The following N4BP2 variants were observed in gnomAD, a reference collection of about 807,000 sequenced individuals.
N4BP2 encodes NEDD4 binding protein 2.
In N4BP2, 91 loss-of-function variants were observed where a neutral mutation model predicts 152.8. The observed-to-expected ratio is 0.60, with a 90% CI of 0.50 to 0.71. The LOEUF is 0.71. N4BP2 is among the 30% of genes least tolerant of loss of function. N4BP2 has a pLI of 0.00. For synonymous variants in N4BP2, 646 were observed against 705.3 expected (o/e 0.92, Z 1.33); for missense variants, 1,923 against 2,059.1 (o/e 0.93, Z 1.28).
At chr4:40,132,238 G>T (rs1483144260) in intron 13 of N4BP2, among the ~76,000 whole-genome samples, 1 of 151,876 alleles carries the variant, frequency 6.6e-6, no homozygotes, top group Non-Finnish European at 1.5e-5. Flanking sequence ...TGTAAACATG[G>T]TCTCTCTCTC....
At chr4:40,179,416 A>T in the N4BP2 span, among the ~76,000 whole-genome samples, 1 of 152,182 alleles carries the variant, frequency 6.6e-6, no homozygotes, top group Non-Finnish European at 1.5e-5. Context: ...GAAAACTACC[A>T]TTGAGTCACA....
rs565939423 is a variant in N4BP2, at chr4:40,141,343, G to A, written c.4786-1330G>A. Among the ~76,000 whole-genome samples, 437 of 151,804 alleles carry A rather than the reference G, an allele frequency of 2.9e-3. 5 individuals are homozygous for A. Among genetic ancestry groups the A allele is most frequent in the African/African-American group, 1.0e-2 (414 of 41,428 alleles). Reference sequence around the variant, plus strand: ...TCACTTGTCAGACGGGGCGGCTTCCGGGCGGAGGGTCTCCTCACTTCTCAG... The same window carrying A: ...TCACTTGTCAGACGGGGCGGCTTCCAGGCGGAGGGTCTCCTCACTTCTCAG... On this transcript the variant is annotated intron_variant, in intron 14 of 17. Transcript: ENST00000261435.
chr4:40,135,810 A>C (rs1310769118), intron 13 of N4BP2, among the ~76,000 whole-genome samples: 2 of 152,098 alleles, frequency 1.3e-5, no homozygotes, highest in Non-Finnish European at 2.9e-5. Flanking sequence ...CAGGTGATCC[A>C]CCTGCCTCGG....
At chr4:40,113,984 C>A (rs746715802) in intron 7 of N4BP2, among the ~76,000 whole-genome samples, 1 of 151,996 alleles carries the variant, frequency 6.6e-6, no homozygotes, top group Non-Finnish European at 1.5e-5. Context: ...CTGGGAGGGG[C>A]GAATTGTCGT....
At chr4:40,074,577 A>G (rs1560572595) in intron 2 of N4BP2, among the ~76,000 whole-genome samples, 1 of 152,236 alleles carries the variant, frequency 6.6e-6, no homozygotes, top group Admixed American at 6.5e-5. Context: ...GAAGGAAAAT[A>G]TAATCACAGA....
intron 2 of N4BP2, among the ~76,000 whole-genome samples, chr4:40,095,781 C>T (rs1715054063): frequency 6.6e-6 from 1 of 152,062 alleles, no homozygotes; most frequent in African/African-American, 2.4e-5. Flanking sequence ...GTTAGCCGTG[C>T]AGATATCTTG....
At chr4:40,164,908 A>G in the N4BP2 span, among the ~76,000 whole-genome samples, 3 of 152,116 alleles carry the variant, frequency 2.0e-5, no homozygotes, top group African/African-American at 4.8e-5. Flanking sequence ...CTTTGCTGAG[A>G]CTCTGAAGAC....
At chr4:40,086,161 T>G (rs1713930797) in intron 2 of N4BP2, among the ~76,000 whole-genome samples, 1 of 147,790 alleles carries the variant, frequency 6.8e-6, no homozygotes, top group Non-Finnish European at 1.5e-5. Flanking sequence ...AATTTTTGTA[T>G]TTTTATTAGA....
chr4:40,116,885 C>T (rs1717391206), intron 7 of N4BP2, among the ~76,000 whole-genome samples: 1 of 152,132 alleles, frequency 6.6e-6, no homozygotes, highest in African/African-American at 2.4e-5. Flanking sequence ...TTGAAGATAA[C>T]ACTTCACTCC....
chr4:40,145,654 T>C (rs1553927716), intron 16 of N4BP2, among the ~76,000 whole-genome samples: 2 of 152,240 alleles, frequency 1.3e-5, no homozygotes, highest in Admixed American at 6.5e-5. Flanking sequence ...AGAAGTGTTA[T>C]GAAAGAATAT....
intron 16 of N4BP2, among the ~76,000 whole-genome samples, chr4:40,149,718 C>G (rs891996727): frequency 4.0e-5 from 6 of 151,818 alleles, no homozygotes; most frequent in Middle Eastern, 3.4e-3. Flanking sequence ...CACAGTGAAA[C>G]CCCGTCTCTA....
intron 14 of N4BP2, 144 bp from the exon 15 acceptor site, chr4:40,142,529 T>G: frequency 1.7e-6 from 1 of 602,066 alleles, no homozygotes; most frequent in African/African-American, 1.9e-5. Flanking sequence ...ACTTACAAGG[T>G]AGACGCTGGG....
At chr4:40,109,657 T>G (rs947248409) in intron 5 of N4BP2, among the ~76,000 whole-genome samples, 1 of 151,670 alleles carries the variant, frequency 6.6e-6, no homozygotes, top group African/African-American at 2.4e-5. Context: ...GGCGGAGGTT[T>G]CAGTGAGTCA....
At position 40,156,198 on chromosome 4, in the gene N4BP2, A is replaced by G. The variant is rs560929149; in HGVS notation, c.*1961A>G. The G allele has an allele frequency of 1.3e-5, 2 of 152,266 alleles. No individual in the cohort carries two copies. The highest frequency in any genetic ancestry group is 4.8e-5 in the African/African-American group (2 of 41,568). 9.4% of individuals were successfully genotyped at this position (152,266 alleles called of 1,614,324 possible). ...TTGGAATGTGTGCAGCTGCATACTC[A>G]CTTTCTGTGTTTTTATATTTCCTTA... On this transcript the variant is annotated 3_prime_UTR_variant, in exon 18 of 18. Coordinates refer to ENST00000261435, the MANE Select transcript of N4BP2 (RefSeq NM_018177.6).
chr4:40,149,405 G>A (rs1720927193), intron 16 of N4BP2, among the ~76,000 whole-genome samples: 1 of 152,176 alleles, frequency 6.6e-6, no homozygotes, highest in African/African-American at 2.4e-5. Flanking sequence ...TTTGATTAGT[G>A]GTTGCTGGGA....
rs751181806 is a variant in N4BP2 at position 40,122,065 on chromosome 4, A to T, written c.3954A>T (p.Pro1318=). The part of the protein sequence containing the change: ...SLEIKRNENF[P]KDYVKFSDEE... ...AAATAAAGAGAAATGAAAATTTTCC[A>T]AAGGATTATGTGAAATTTTCAGATG... The change falls in exon 9 of 18, where the codon CCA becomes CCT. Residue 1318 remains proline, a synonymous_variant. Coordinates refer to ENST00000261435, the MANE Select transcript of N4BP2 (RefSeq NM_018177.6). 1 of 1,553,234 alleles carries T rather than the reference A, an allele frequency of 6.4e-7. No homozygotes were observed. The highest frequency in any genetic ancestry group is 1.4e-5 in the African/African-American group (1 of 72,252).
chr4:40,091,981 CAAAAAAAA>C (rs1189250112), intron 2 of N4BP2, among the ~76,000 whole-genome samples: 4 of 20,034 alleles, frequency 2.0e-4, no homozygotes, highest in Non-Finnish European at 2.5e-4. Context: ...GACCTTGTGT[CAAAAAAAA>C]AAAAAAAAAA....
rs767020858 is a variant in N4BP2 at position 40,084,299 on chromosome 4, G to A, written c.-115+10748G>A. ...GATTTGCTGAATGATGAGGTGTGAC[G>A]GAAAGAATAGGCAAAAATGACTTAG... is the stretch of plus-strand genomic sequence containing the variant. On this transcript the variant is annotated intron_variant, in intron 2 of 17. Coordinates refer to ENST00000261435, the MANE Select transcript of N4BP2 (RefSeq NM_018177.6). Among the ~76,000 whole-genome samples the A allele has an allele frequency of 1.3e-4, 20 of 152,146 alleles. 1 individual carries two copies. The highest frequency in any genetic ancestry group is 1.2e-3 in the Admixed American group (18 of 15,260).
chr4:40,150,019 A>G lies in N4BP2; in HGVS notation c.5144-2761A>G, dbSNP rs1720996696. On this transcript the variant is annotated intron_variant, in intron 16 of 17. Coordinates refer to ENST00000261435, the MANE Select transcript of N4BP2 (RefSeq NM_018177.6). ...GGAAGCCAAGGCCCATCTCTAGTGC[A>G]TGCTGCCACCTGTGGTAGTCTGTAG... is the stretch of plus-strand genomic sequence containing the variant. 3.3e-5 allele frequency among the ~76,000 whole-genome samples: 5 copies of G among 152,188 alleles called. No individual in the cohort carries two copies. The South Asian group carries it at 8.3e-4, about 25-fold the overall frequency.
Sources: allele counts gnomAD v4.1 joint callset (sites outside exome capture counted in the v4.1 genomes callset), GRCh38; gene constraint gnomAD v4.1.1; transcripts MANE v1.5; gene names NCBI Gene and HGNC (gene_info 2026-07-23, HGNC 2026-07-21).